The following EN1 variants were observed in gnomAD, a reference collection of about 807,000 sequenced individuals.
The protein encoded by EN1 is engrailed homeobox 1.
A neutral mutation model predicts 22.9 loss-of-function variants in EN1; 8 were observed. That is an observed-to-expected ratio of 0.35 (90% CI 0.20 to 0.63). The LOEUF (loss-of-function observed/expected upper bound fraction) is 0.63. EN1 is among the 20% of genes least tolerant of loss of function. The probability of loss-of-function intolerance (pLI) is 0.73; values close to 1 mark genes in which losing one functional copy is unlikely to be tolerated. For synonymous variants in EN1, 287 were observed against 262.5 expected, an observed-to-expected ratio of 1.09 and a Z score of -0.90; for missense variants, 521 against 572.1, an observed-to-expected ratio of 0.91 and a Z score of 0.91.
rs1308025069 is a variant in EN1 at position 118,842,303 on chromosome 2, G to C, written c.*635C>G. ...CAACAAGTCTCCGGAAAACGAAAGG[G>C]GGGCAGAACAGACAGACCGACAGAA... On this transcript the variant is annotated 3_prime_UTR_variant, in exon 2 of 2. Coordinates refer to ENST00000295206, the MANE Select transcript of EN1 (RefSeq NM_001426.4). The C allele has an allele frequency of 6.6e-6, 1 of 152,666 alleles. No individual in the cohort carries two copies. Among genetic ancestry groups the C allele is most frequent in the Non-Finnish European group, 1.5e-5 (1 of 68,074 alleles). 9.5% of individuals were successfully genotyped at this position (152,666 alleles called of 1,614,324 possible).
In EN1 at chr2:118,847,196, G is replaced by T; in HGVS notation, c.-29C>A. 2.9e-6 allele frequency: 2 copies of T among 695,078 alleles called. No homozygotes were observed. Among genetic ancestry groups the T allele is most frequent in the Non-Finnish European group, 4.2e-6 (2 of 475,944 alleles). 43.1% of individuals were successfully genotyped at this position (695,078 alleles called of 1,614,324 possible). ...CGGCCGCCCCGCCGCCCCGGCCGCC[G>T]CGCCGGCCCCCGCCCCCACCGCCTC... On this transcript the variant is annotated 5_prime_UTR_variant, in exon 1 of 2. Coordinates refer to ENST00000295206, the MANE Select transcript of EN1 (RefSeq NM_001426.4).
chr2:118,843,311 A>T, intron 1 of EN1, 57 bp from the exon 2 acceptor site: 10 of 290,294 alleles, frequency 3.4e-5, no homozygotes, highest in East Asian at 7.9e-5. Context: ...GGCAGAAGGG[A>T]GGGGGGAGAG....
rs957984657 is a variant in EN1, at chr2:118,846,056, A to T, written c.862+250T>A. ...GACAAAGAAGGCCCCAGGGATTCAG[A>T]GTTCAAAATCAAAGAATCGAGACCC... is the stretch of plus-strand genomic sequence containing the variant. On this transcript the variant is annotated intron_variant, in intron 1 of 1. Transcript: ENST00000295206. The surrounding 1 kb of genome is among the most constrained non-coding windows in gnomAD (Gnocchi z 5.0). Among the ~76,000 whole-genome samples, 7 of 152,180 alleles carry T rather than the reference A, an allele frequency of 4.6e-5. No homozygotes were observed. Among genetic ancestry groups the T allele is most frequent in the Non-Finnish European group, 1.0e-4 (7 of 68,038 alleles).
chr2:118,846,166 A>G lies in EN1; in HGVS notation c.862+140T>C, dbSNP rs1678264465. 1 of 1,312,134 alleles carries G rather than the reference A, an allele frequency of 7.6e-7. No individual in the cohort carries two copies. Among genetic ancestry groups the G allele is most frequent in the Admixed American group, 2.5e-5 (1 of 40,184 alleles). 81.3% of individuals were successfully genotyped at this position (1,312,134 alleles called of 1,614,324 possible). On this transcript the variant is annotated intron_variant, in intron 1 of 1. Transcript: ENST00000295206. The surrounding 1 kb of genome is among the most constrained non-coding windows in gnomAD (Gnocchi z 5.0). ...ATAGCTGGATGAACATTCGGTTGTG[A>G]CTGGAACTGGGGTGAGGAAGCAGGC... is the stretch of plus-strand genomic sequence containing the variant.
chr2:118,846,571 A>G lies in EN1; in HGVS notation c.597T>C (p.Ala199=). The G allele has an allele frequency of 8.2e-7, 1 of 1,220,280 alleles. No homozygotes were observed. The highest frequency in any genetic ancestry group is 1.0e-6 in the Non-Finnish European group (1 of 982,766). The allele number at this position is 1,220,280 out of a possible 1,614,324, so 75.6% of individuals were successfully genotyped here. A position where few individuals can be genotyped will look rare whatever the true frequency, so the allele number is the denominator to read the frequency against. ...GAGASKAGNP[A]AAAAAAAAAV... is the part of the protein sequence containing the mutation. ...CCGCCGCGGCCGCCGCCGCCGCCGC[A>G]GCCGGGTTCCCAGCTTTAGACGCGC... Residue 199 remains alanine (A), a synonymous_variant, in exon 1 of 2, where the codon GCT becomes GCC. Transcript: ENST00000295206. The surrounding 1 kb of genome is among the most constrained non-coding windows in gnomAD (Gnocchi z 5.0).
intron 1 of EN1, 143 bp from the exon 2 acceptor site, chr2:118,843,397 C>T: frequency 2.7e-6 from 2 of 741,100 alleles, no homozygotes; most frequent in Non-Finnish European, 2.2e-6. Context: ...CTCGGAGGCC[C>T]TGCTGAACCC....
In EN1 at chr2:118,847,179, C is replaced by G; in HGVS notation, c.-12G>C. ...TGCTGTTCTTCCATGCTCGGCCGCC[C>G]CGCCGCCCCGGCCGCCGCGCCGGCC... On this transcript the variant is annotated 5_prime_UTR_variant, in exon 1 of 2. Coordinates refer to ENST00000295206, the MANE Select transcript of EN1 (RefSeq NM_001426.4). 5.8e-6 allele frequency: 5 copies of G among 855,390 alleles called. No individual in the cohort carries two copies. The highest frequency in any genetic ancestry group is 8.2e-6 in the Non-Finnish European group (5 of 611,900). 53.0% of individuals were successfully genotyped at this position (855,390 alleles called of 1,614,324 possible).
intron 1 of EN1, chr2:118,843,959 C>A (rs1179084859): frequency 6.6e-6 from 1 of 152,292 alleles, no homozygotes; most frequent in Non-Finnish European, 1.5e-5. Context: ...TAAAGGAAGC[C>A]TTTTCTAGGG....
intron 1 of EN1, among the ~76,000 whole-genome samples, chr2:118,843,572 G>A (rs897590673): frequency 1.9e-4 from 29 of 152,168 alleles, no homozygotes; most frequent in African/African-American, 6.5e-4. Context: ...GGGACAGACC[G>A]AAATCACAAC....
Position 118,846,933 on chromosome 2 carries a change from G to T in EN1, c.235C>A (p.Pro79Thr). 1 of 1,501,960 alleles carries T rather than the reference G, an allele frequency of 6.7e-7. No homozygotes were observed. The highest frequency in any genetic ancestry group is 8.8e-7 in the Non-Finnish European group (1 of 1,132,460). The allele number at this position is 1,501,960 out of a possible 1,614,324, so 93.0% of individuals were successfully genotyped here. A position where few individuals can be genotyped will look rare whatever the true frequency, so the allele number is the denominator to read the frequency against. ...AHHPHLPPHP[P>T]PPPPQHLAAP... ...GCGAGATGCTGAGGCGGCGGGGGCG[G>T]GGGGTGTGGGGGGAGGTGCGGGTGG... Residue 79 changes from proline to threonine, a missense_variant, in exon 1 of 2, where the codon CCG (proline) becomes ACG (threonine). Pro to Thr is a conservative substitution (Grantham distance 38, BLOSUM62 -1). Around this residue, in one of 3 missense-constraint regions of EN1, gnomAD observed 436 missense variants for 410.1 expected, o/e 1.06. Transcript: ENST00000295206. The surrounding 1 kb of genome is among the most constrained non-coding windows in gnomAD (Gnocchi z 5.0).
chr2:118,847,626 G>A lies in EN1; in HGVS notation c.-459C>T, dbSNP rs1423795231. The A allele has an allele frequency of 1.3e-5, 2 of 151,914 alleles. No homozygotes were observed. Among genetic ancestry groups the A allele is most frequent in the Non-Finnish European group, 2.9e-5 (2 of 68,092 alleles). 9.4% of individuals were successfully genotyped at this position (151,914 alleles called of 1,614,324 possible). A position where few individuals can be genotyped will look rare whatever the true frequency, so the allele number is the denominator to read the frequency against. ...CAGTAGTGAGGGGTTTGACTTCCCC[G>A]AGTGTCACGCTCAGCTGTGCCCAGA... On this transcript the variant is annotated 5_prime_UTR_variant, in exon 1 of 2. Transcript: ENST00000295206.
chr2:118,846,673 G>T lies in EN1; in HGVS notation c.495C>A (p.Gly165=). 1.9e-6 allele frequency: 3 copies of T among 1,578,576 alleles called. No individual in the cohort carries two copies. The highest frequency in any genetic ancestry group is 1.1e-5 in the South Asian group (1 of 88,208). ...PVHPLGTRAP[G]AASLLCAPDA... ...CCGGGGCGCACAGGAGCGAGGCAGCGCCTGGCGCCCGGGTGCCCAACGGGT... is the reference window on the plus strand; with the variant it reads ...CCGGGGCGCACAGGAGCGAGGCAGCTCCTGGCGCCCGGGTGCCCAACGGGT... Residue 165 remains glycine, a synonymous_variant, in exon 1 of 2, where the codon GGC becomes GGA. Transcript: ENST00000295206. The surrounding 1 kb of genome is among the most constrained non-coding windows in gnomAD (Gnocchi z 5.0).
At position 118,842,789 on chromosome 2, in the gene EN1, C is replaced by T; in HGVS notation, c.*149G>A. The T allele has an allele frequency of 7.6e-7, 1 of 1,312,106 alleles. No individual in the cohort carries two copies. The highest frequency in any genetic ancestry group is 1.0e-6 in the Non-Finnish European group (1 of 990,130). 81.3% of individuals were successfully genotyped at this position (1,312,106 alleles called of 1,614,324 possible). A position where few individuals can be genotyped will look rare whatever the true frequency, so the allele number is the denominator to read the frequency against. On this transcript the variant is annotated 3_prime_UTR_variant, in exon 2 of 2. Coordinates refer to ENST00000295206, the MANE Select transcript of EN1 (RefSeq NM_001426.4). ...AAATGCTGCGTTTCAACGTCATTGT[C>T]CATTCTGAGGCTCTCTTTCTGTCTC... is the stretch of plus-strand genomic sequence containing the variant.
chr2:118,846,791 A>C lies in EN1; in HGVS notation c.377T>G (p.Leu126Arg). ...TCCTCTGGCCGCCGCAGCCACCAGA[A>C]GCTGCGGTGGCGGCTGCTCCTTTTT... is the stretch of plus-strand genomic sequence containing the variant. ...GCKKEQPPPQ[L>R]LVAAAARGGA... Residue 126 changes from leucine to arginine, a missense_variant, in exon 1 of 2, where the codon CTT (leucine) becomes CGT (arginine). By Grantham distance (102) the Leu-to-Arg change is moderately radical. Around this residue, in one of 3 missense-constraint regions of EN1, gnomAD observed 436 missense variants for 410.1 expected, o/e 1.06. Transcript: ENST00000295206. The surrounding 1 kb of genome is among the most constrained non-coding windows in gnomAD (Gnocchi z 5.0). 1 of 1,595,334 alleles carries C rather than the reference A, an allele frequency of 6.3e-7. No homozygotes were observed. The highest frequency in any genetic ancestry group is 8.5e-7 in the Non-Finnish European group (1 of 1,177,420).
chr2:118,846,523 G>GGCC lies in EN1; in HGVS notation c.642_644dup (p.Ala218dup), dbSNP rs750030729. On this transcript the variant is annotated inframe_insertion, in exon 1 of 2. Coordinates refer to ENST00000295206, the MANE Select transcript of EN1 (RefSeq NM_001426.4). This position sits in a 1 kb window ranked among gnomAD's most constrained non-coding sequence, Gnocchi z 5.0. ...CGGTGTCCGAGGGCTTGGCTGCTGC[G>GGCC]GCCGCCGCCGCCGCCGCCACTGCCG... The GGCC allele has an allele frequency of 4.8e-5, 61 of 1,261,704 alleles. No individual in the cohort carries two copies. Among genetic ancestry groups the GGCC allele is most frequent in the South Asian group, 2.6e-4 (9 of 34,376 alleles). 78.2% of individuals were successfully genotyped at this position (1,261,704 alleles called of 1,614,324 possible).
intron 1 of EN1, among the ~76,000 whole-genome samples, chr2:118,845,808 G>T (rs1678260317): frequency 6.6e-6 from 1 of 152,236 alleles, no homozygotes; most frequent in African/African-American, 2.4e-5. Context: ...CAATGTAAAC[G>T]GTCTCTCCGC....
In EN1 at chr2:118,842,795, T is replaced by G; in HGVS notation, c.*143A>C. On this transcript the variant is annotated 3_prime_UTR_variant, in exon 2 of 2. Transcript: ENST00000295206. ...TGCGTTTCAACGTCATTGTCCATTC[T>G]GAGGCTCTCTTTCTGTCTCTCTCGC... The G allele has an allele frequency of 7.4e-7, 1 of 1,350,598 alleles. No individual in the cohort carries two copies. Among genetic ancestry groups the G allele is most frequent in the African/African-American group, 1.5e-5 (1 of 68,054 alleles). 83.7% of individuals were successfully genotyped at this position (1,350,598 alleles called of 1,614,324 possible).
Position 118,846,376 on chromosome 2 carries a change from A to T in EN1, c.792T>A (p.Thr264=), listed in dbSNP as rs1184115113. The change falls in exon 1 of 2, where the codon ACT becomes ACA. Residue 264 remains threonine (T), a synonymous_variant. Coordinates refer to ENST00000295206, the MANE Select transcript of EN1 (RefSeq NM_001426.4). This position sits in a 1 kb window ranked among gnomAD's most constrained non-coding sequence, Gnocchi z 5.0. The part of the protein sequence containing the change: ...GSANGGPVVK[T]DSQQPLVWPA... ...GCCATACGAGAGGCTGCTGCGAGTC[A>T]GTTTTGACCACGGGCCCGCCGTTGG... 1 of 1,612,274 alleles carries T rather than the reference A, an allele frequency of 6.2e-7. No individual in the cohort carries two copies. The highest frequency in any genetic ancestry group is 8.5e-7 in the Non-Finnish European group (1 of 1,179,704).
In EN1 at chr2:118,843,027, T is replaced by G. The variant is rs772694757; in HGVS notation, c.1090A>C (p.Ile364Leu). The G allele has an allele frequency of 3.1e-6, 5 of 1,614,034 alleles. No individual in the cohort carries two copies. In the Admixed American group the frequency reaches 8.3e-5, roughly 27 times the overall value. Residue 364 changes from isoleucine (I) to leucine (L), a missense_variant, in exon 2 of 2, where the codon ATC becomes CTC. Ile to Leu is a conservative substitution (Grantham distance 5, BLOSUM62 2). Around this residue, in one of 3 missense-constraint regions of EN1, gnomAD observed 35 missense variants for 40.2 expected, o/e 0.87. Transcript: ENST00000295206. ...AGGTGCAGCGCCAGGCCGTTCTTGA[T>G]GCCTGTGGCTTTCTTGATCTTGGCG... The part of the protein sequence containing the change: ...KRAKIKKATG[I>L]KNGLALHLMA...
Sources: allele counts gnomAD v4.1 joint callset (sites outside exome capture counted in the v4.1 genomes callset), GRCh38; gene constraint gnomAD v4.1.1; regional missense constraint gnomAD v4.1.1; non-coding constraint Gnocchi (gnomAD v3.1); transcripts MANE v1.5; gene names NCBI Gene and HGNC (gene_info 2026-07-23, HGNC 2026-07-21).